The following MARCHF1 variants were observed in gnomAD, a reference collection of about 807,000 sequenced individuals.
The protein encoded by MARCHF1 is membrane associated ring-CH-type finger 1, also known as E3 ubiquitin-protein ligase MARCHF1.
MARCHF1 carries 40 observed loss-of-function variants against 54.2 expected under a neutral mutation model. The ratio of observed to expected loss-of-function variants is 0.74; its 90% CI spans 0.57 to 0.96. MARCHF1 has a LOEUF of 0.96. MARCHF1 is among the 40% of genes least tolerant of loss of function. The pLI is 0.00. For missense variants in MARCHF1, 586 were observed against 656.5 expected, an observed-to-expected ratio of 0.89 and a Z score of 1.17; for synonymous variants, 236 against 236.3, an observed-to-expected ratio of 1.00 and a Z score of 0.01.
chr4:164,255,047 G>A (rs1171160881), intron 1 of MARCHF1, among the ~76,000 whole-genome samples: 7 of 152,132 alleles, frequency 4.6e-5, no homozygotes, highest in Non-Finnish European at 7.4e-5. Context: ...GCCCAGCCAT[G>A]AATGTTATAG....
Position 163,744,948 on chromosome 4 carries a change from T to C in MARCHF1, c.112-44085A>G, listed in dbSNP as rs141548305. On this transcript the variant is annotated intron_variant, in intron 4 of 9. Coordinates refer to ENST00000514618, the MANE Select transcript of MARCHF1 (RefSeq NM_001394959.1). ...TTTCCCTACTAAATAGGCCTAAAAA[T>C]TAGGCTCTGTGCTCCCAAGGGACCA... is the stretch of plus-strand genomic sequence containing the variant. Among the ~76,000 whole-genome samples the C allele has an allele frequency of 7.4e-4, 113 of 152,202 alleles. 2 individuals are homozygous for C. In the East Asian group the frequency reaches 0.02, roughly 26 times the overall value.
At chr4:164,309,809 T>C (rs992633230) in intron 1 of MARCHF1, among the ~76,000 whole-genome samples, 1 of 152,316 alleles carries the variant, frequency 6.6e-6, no homozygotes, top group South Asian at 2.1e-4. Context: ...TTGGAATTGC[T>C]AGGCAATTAC....
At chr4:164,127,518 T>A (rs564973031) in intron 1 of MARCHF1, among the ~76,000 whole-genome samples, 1 of 152,252 alleles carries the variant, frequency 6.6e-6, no homozygotes, top group African/African-American at 2.4e-5. Context: ...TAAAATGTAT[T>A]ACATGGCATA....
chr4:164,044,100 ATTC>A (rs1425208592), intron 2 of MARCHF1, among the ~76,000 whole-genome samples: 1 of 152,162 alleles, frequency 6.6e-6, no homozygotes, highest in Non-Finnish European at 1.5e-5. Flanking sequence ...ATATTCCTGT[ATTC>A]TTCTGAGCCC....
chr4:163,879,804 C>CGCGTGT (rs1553960437), intron 3 of MARCHF1, among the ~76,000 whole-genome samples: 28 of 148,494 alleles, frequency 1.9e-4, no homozygotes, highest in African/African-American at 6.7e-4. Flanking sequence ...GATTTAGAGG[C>CGCGTGT]GTGTGTGTGT....
intron 2 of MARCHF1, among the ~76,000 whole-genome samples, chr4:164,078,619 A>G (rs1245809696): frequency 6.6e-6 from 1 of 152,226 alleles, no homozygotes; most frequent in East Asian, 1.9e-4. Flanking sequence ...GCAGGAAACT[A>G]TAAGAAATAA....
intron 1 of MARCHF1, among the ~76,000 whole-genome samples, chr4:164,158,899 AG>A (rs1340291286): frequency 2.0e-5 from 3 of 152,150 alleles, no homozygotes; most frequent in Non-Finnish European, 4.4e-5. Context: ...GTCTACTTCG[AG>A]AATCATCCTC....
intron 4 of MARCHF1, among the ~76,000 whole-genome samples, chr4:163,717,682 C>T (rs1003532736): frequency 5.9e-5 from 9 of 152,094 alleles, no homozygotes; most frequent in South Asian, 4.2e-4. Context: ...TTTTAACGAC[C>T]GCCATTCTAA....
chr4:164,043,798 A>G (rs1253982349), intron 2 of MARCHF1, among the ~76,000 whole-genome samples: 1 of 152,268 alleles, frequency 6.6e-6, no homozygotes, highest in African/African-American at 2.4e-5. Context: ...CTCCATGCAT[A>G]TGAGCATAGA....
intron 1 of MARCHF1, among the ~76,000 whole-genome samples, chr4:164,168,150 C>T (rs778525184): frequency 3.1e-4 from 47 of 151,800 alleles, no homozygotes; most frequent in African/African-American, 9.4e-4. Flanking sequence ...ACATAGCCAA[C>T]GTGTATATGA....
At chr4:163,856,389 C>A (rs1749768186) in intron 3 of MARCHF1, among the ~76,000 whole-genome samples, 2 of 151,966 alleles carry the variant, frequency 1.3e-5, no homozygotes, top group South Asian at 4.2e-4. Context: ...TTTAAGAAAG[C>A]AGACAAGAAA....
chr4:163,613,366 G>C lies in MARCHF1; in HGVS notation c.190C>G (p.Pro64Ala), dbSNP rs911354961. 1 of 1,613,220 alleles carries C rather than the reference G, an allele frequency of 6.2e-7. No individual in the cohort carries two copies. Among genetic ancestry groups the C allele is most frequent in the Admixed American group, 1.7e-5 (1 of 59,880 alleles). ...ACAGACAACCTTGACTGGCTCCTGGGAGCTGTCCCTGTTGTTGGGCTGCTT... is the reference window on the plus strand; with the variant it reads ...ACAGACAACCTTGACTGGCTCCTGGCAGCTGTCCCTGTTGTTGGGCTGCTT... The part of the protein sequence containing the change: ...KASSPTTGTA[P>A]RSQSRLSVCP... Residue 64 changes from proline to alanine, a missense_variant, in exon 6 of 10, where the codon CCC (proline) becomes GCC (alanine). Coordinates refer to ENST00000514618, the MANE Select transcript of MARCHF1 (RefSeq NM_001394959.1).
chr4:163,648,643 C>A (rs1450194485), intron 5 of MARCHF1, among the ~76,000 whole-genome samples: 102 of 114,812 alleles, frequency 8.9e-4, no homozygotes, highest in African/African-American at 1.2e-3. Flanking sequence ...GAGAGGAAAG[C>A]AAATGTTGTT....
intron 9 of MARCHF1, among the ~76,000 whole-genome samples, chr4:163,542,209 GAA>G (rs553124218): frequency 6.6e-6 from 1 of 152,042 alleles, no homozygotes; most frequent in Non-Finnish European, 1.5e-5. Flanking sequence ...AGCTGAGAAA[GAA>G]AAAAATATTT....
intron 3 of MARCHF1, among the ~76,000 whole-genome samples, chr4:163,895,226 G>A (rs2111288448): frequency 6.6e-6 from 1 of 152,290 alleles, no homozygotes; most frequent in East Asian, 1.9e-4. Context: ...GTTTTCAGCA[G>A]TCTAATGATT....
chr4:164,268,002 T>C (rs980656557), intron 1 of MARCHF1, among the ~76,000 whole-genome samples: 4 of 151,508 alleles, frequency 2.6e-5, no homozygotes, highest in Admixed American at 6.6e-5. Context: ...GAAAAAAAAA[T>C]CCTCTCTGGA....
intron 1 of MARCHF1, among the ~76,000 whole-genome samples, chr4:164,200,413 G>C (rs1731420906): frequency 6.6e-6 from 1 of 152,118 alleles, no homozygotes; most frequent in Admixed American, 6.5e-5. Flanking sequence ...TGCTTAGAAG[G>C]TGATTTACCA....
chr4:164,291,053 A>C (rs894939543), intron 1 of MARCHF1, among the ~76,000 whole-genome samples: 124 of 152,044 alleles, frequency 8.2e-4, no homozygotes, highest in African/African-American at 2.8e-3. Context: ...TTTAAGTTGA[A>C]ATTTCAAAAA....
chr4:163,812,483 C>T (rs1381096635), intron 4 of MARCHF1, among the ~76,000 whole-genome samples: 1 of 152,132 alleles, frequency 6.6e-6, no homozygotes, highest in Non-Finnish European at 1.5e-5. Context: ...ACCAACGAGG[C>T]ACAGTGGCTC....
Sources: allele counts gnomAD v4.1 joint callset (sites outside exome capture counted in the v4.1 genomes callset), GRCh38; gene constraint gnomAD v4.1.1; transcripts MANE v1.5; gene names NCBI Gene and HGNC (gene_info 2026-07-23, HGNC 2026-07-21).